Variants in PDZRN3 observed in about 807,000 individuals in gnomAD.
PDZRN3 encodes E3 ubiquitin-protein ligase PDZRN3.
In PDZRN3, 38 loss-of-function variants were observed where a neutral mutation model predicts 85.7. The observed-to-expected ratio is 0.44, with a 90% CI of 0.34 to 0.58. The LOEUF is 0.58. Among genes scored for constraint, PDZRN3 ranks in the 20% least tolerant of loss-of-function variants. The pLI, the probability that PDZRN3 is intolerant of heterozygous loss-of-function variation, is 0.01. For synonymous variants in PDZRN3, 759 were observed against 638.0 expected, an observed-to-expected ratio of 1.19 and a Z score of -2.86; for missense variants, 1,629 against 1,506.4, an observed-to-expected ratio of 1.08 and a Z score of -1.35.
rs1703282088 is a variant in PDZRN3, at chr3:73,383,148, G to GTT, written c.*215_*216dup. ...ACAATTGCTATTTGAAAAAAGCTCT[G>GTT]TTTGTTAATATTGCCTTCCAAGATA... On this transcript the variant is annotated 3_prime_UTR_variant, in exon 10 of 10. Coordinates refer to ENST00000263666, the MANE Select transcript of PDZRN3 (RefSeq NM_015009.3). 2.1e-6 allele frequency: 1 copy of GTT among 482,498 alleles called. No individual in the cohort carries two copies. The highest frequency in any genetic ancestry group is 3.6e-6 in the Non-Finnish European group (1 of 277,788). 29.9% of individuals were successfully genotyped at this position (482,498 alleles called of 1,614,324 possible).
At chr3:73,546,352 T>G (rs976932947) in intron 3 of PDZRN3, among the ~76,000 whole-genome samples, 1 of 152,190 alleles carries the variant, frequency 6.6e-6, no homozygotes, top group African/African-American at 2.4e-5. Flanking sequence ...CACCACCACA[T>G]TGCATCAAAT....
At chr3:73,397,598 CAG>C (rs767079050) in intron 5 of PDZRN3, among the ~76,000 whole-genome samples, 5 of 152,222 alleles carry the variant, frequency 3.3e-5, no homozygotes, top group Non-Finnish European at 7.3e-5. Flanking sequence ...ACCTCTGAAA[CAG>C]AGCAATGCTG....
intron 3 of PDZRN3, among the ~76,000 whole-genome samples, chr3:73,574,640 G>A (rs1474210345): frequency 6.6e-6 from 1 of 152,162 alleles, no homozygotes; most frequent in African/African-American, 2.4e-5. Flanking sequence ...TGTACTTTTA[G>A]TAGAGATGGG....
intron 1 of PDZRN3, 47 bp downstream of exon 1, chr3:73,624,056 T>C: frequency 4.3e-6 from 6 of 1,391,462 alleles, no homozygotes; most frequent in Non-Finnish European, 5.6e-6. Flanking sequence ...GGGCCCTGGG[T>C]CCCCAGGGAT....
intron 3 of PDZRN3, among the ~76,000 whole-genome samples, chr3:73,573,829 A>ATACACATACAGC (rs200156279): frequency 1.6e-5 from 1 of 62,604 alleles, no homozygotes; most frequent in African/African-American, 6.9e-5. Context: ...ATACATATAC[A>ATACACATACAGC]TATACATATA....
chr3:73,414,308 A>G (rs1483267622), intron 3 of PDZRN3, among the ~76,000 whole-genome samples: 1 of 152,234 alleles, frequency 6.6e-6, no homozygotes, highest in African/African-American at 2.4e-5. Flanking sequence ...GTAACAAACC[A>G]ATGAATGCCA....
Position 73,624,855 on chromosome 3 carries a change from G to T in PDZRN3, c.-30C>A, listed in dbSNP as rs1702946127. The T allele has an allele frequency of 7.9e-6, 10 of 1,267,416 alleles. No individual in the cohort carries two copies. The East Asian group carries it at 3.2e-4, about 40-fold the overall frequency. The allele number at this position is 1,267,416 out of a possible 1,614,324, so 78.5% of individuals were successfully genotyped here. A position where few individuals can be genotyped will look rare whatever the true frequency, so the allele number is the denominator to read the frequency against. On this transcript the variant is annotated 5_prime_UTR_variant, in exon 1 of 10. Coordinates refer to ENST00000263666, the MANE Select transcript of PDZRN3 (RefSeq NM_015009.3). ...GCGGCCAGGCCCCGGGGTCGCCGCC[G>T]GGCGGCCGGGCGCCCCCTCCCTCCC...
chr3:73,512,055 T>C (rs780697339), intron 3 of PDZRN3, among the ~76,000 whole-genome samples: 3 of 152,248 alleles, frequency 2.0e-5, no homozygotes, highest in Admixed American at 6.5e-5. Context: ...TGTTGTTAAT[T>C]CCATGACAAA....
At chr3:73,503,758 G>T (rs1372440533) in intron 3 of PDZRN3, among the ~76,000 whole-genome samples, 2 of 152,136 alleles carry the variant, frequency 1.3e-5, no homozygotes, top group African/African-American at 4.8e-5. Context: ...CTTGGTAAAA[G>T]CTTTGAACTT....
chr3:73,551,953 C>T (rs895820809), intron 3 of PDZRN3, among the ~76,000 whole-genome samples: 7 of 152,168 alleles, frequency 4.6e-5, no homozygotes, highest in African/African-American at 7.2e-5. Flanking sequence ...CTCAATGCCA[C>T]ACTGCTAGGC....
intron 3 of PDZRN3, among the ~76,000 whole-genome samples, chr3:73,592,766 G>A (rs1301788618): frequency 1.3e-5 from 2 of 152,106 alleles, no homozygotes; most frequent in Non-Finnish European, 1.5e-5. Context: ...AGAGTTCCCA[G>A]TGAAAGTGGC....
At chr3:73,444,226 A>G (rs1470113920) in intron 3 of PDZRN3, among the ~76,000 whole-genome samples, 3 of 152,158 alleles carry the variant, frequency 2.0e-5, no homozygotes, top group Non-Finnish European at 4.4e-5. Flanking sequence ...TGTGAGCTCC[A>G]TCCTTCCAAT....
At chr3:73,515,882 G>C (rs912610599) in intron 3 of PDZRN3, among the ~76,000 whole-genome samples, 5 of 152,326 alleles carry the variant, frequency 3.3e-5, no homozygotes, top group Admixed American at 3.3e-4. Flanking sequence ...CCAGGCCTAT[G>C]CACATACCTA....
chr3:73,550,002 A>G (rs931891655), intron 3 of PDZRN3, among the ~76,000 whole-genome samples: 1 of 152,244 alleles, frequency 6.6e-6, no homozygotes, highest in African/African-American at 2.4e-5. Context: ...ATGCTGCCTT[A>G]GCAAACAGAG....
chr3:73,507,007 T>C (rs1285707556), intron 3 of PDZRN3, among the ~76,000 whole-genome samples: 1 of 152,098 alleles, frequency 6.6e-6, no homozygotes, highest in Non-Finnish European at 1.5e-5. Context: ...AGCACAGGCA[T>C]AGGTTGAATA....
At chr3:73,597,923 G>C (rs528090425) in intron 3 of PDZRN3, among the ~76,000 whole-genome samples, 36 of 152,288 alleles carry the variant, frequency 2.4e-4, no homozygotes, top group African/African-American at 8.7e-4. Flanking sequence ...CTGAGAAACA[G>C]TGAGGTGATC....
chr3:73,486,118 G>C (rs1339216885), intron 3 of PDZRN3, among the ~76,000 whole-genome samples: 1 of 152,208 alleles, frequency 6.6e-6, no homozygotes, highest in Non-Finnish European at 1.5e-5. Context: ...GAAAGAGCAC[G>C]CTGCAAGAAG....
intron 3 of PDZRN3, among the ~76,000 whole-genome samples, chr3:73,547,515 G>C (rs189971763): frequency 6.6e-6 from 1 of 152,202 alleles, no homozygotes; most frequent in Non-Finnish European, 1.5e-5. Context: ...GTAGATGAGC[G>C]GCACTGCTTA....
intron 5 of PDZRN3, among the ~76,000 whole-genome samples, chr3:73,399,742 G>T (rs1386767983): frequency 1.3e-5 from 2 of 152,166 alleles, no homozygotes; most frequent in Non-Finnish European, 2.9e-5. Context: ...TTTTTATAGT[G>T]AGAATACTGG....
Sources: gnomAD v4.1 joint callset for allele counts (sites outside exome capture counted in the v4.1 genomes callset) on GRCh38, gnomAD v4.1.1 for gene constraint, MANE v1.5 for transcripts, NCBI Gene and HGNC (gene_info 2026-07-23, HGNC 2026-07-21) for gene names.